FLT1: variants seen among roughly 807,000 people sequenced by gnomAD.
FLT1 encodes the protein fms related receptor tyrosine kinase 1, also known as vascular endothelial growth factor receptor 1.
In FLT1, 49 loss-of-function variants were observed where a neutral mutation model predicts 156.3. That is an observed-to-expected ratio of 0.31 (90% CI 0.25 to 0.40). The LOEUF is 0.40. Ranked by LOEUF, FLT1 falls within the 10% of genes least tolerant of loss-of-function variation. The probability of loss-of-function intolerance (pLI) is 1.00; values close to 1 mark genes in which losing one functional copy is unlikely to be tolerated. For synonymous variants in FLT1, 594 were observed against 583.8 expected (o/e 1.02, Z -0.25); for missense variants, 1,322 against 1,637.2 (o/e 0.81, Z 3.32).
intron 3 of FLT1, among the ~76,000 whole-genome samples, chr13:28,454,888 A>G (rs1158374279): frequency 1.3e-5 from 2 of 152,194 alleles, no homozygotes; most frequent in African/African-American, 4.8e-5. Context: ...GAAAAACACA[A>G]TACCATTTGC....
Position 28,357,358 on chromosome 13 carries a change from A to G in FLT1, c.2248+196T>C, listed in dbSNP as rs369514024. Among the ~76,000 whole-genome samples, 72 of 152,300 alleles carry G rather than the reference A, an allele frequency of 4.7e-4. No homozygotes were observed. In the East Asian group the frequency reaches 7.9e-3, roughly 17 times the overall value. On this transcript the variant is annotated intron_variant, in intron 15 of 29. Coordinates refer to ENST00000282397, the MANE Select transcript of FLT1 (RefSeq NM_002019.4). ...GGATTTTGGGCTCTCGAGGATGGCC[A>G]GCCAGTGTCTTCACCTTCTGCTTTG... is the stretch of plus-strand genomic sequence containing the variant.
At chr13:28,399,848 G>T (rs1306146573) in intron 11 of FLT1, among the ~76,000 whole-genome samples, 1 of 152,162 alleles carries the variant, frequency 6.6e-6, no homozygotes, top group East Asian at 1.9e-4. Context: ...TTATTTCTTT[G>T]TTTCTGCGAA....
chr13:28,327,703 G>A (rs923850382), intron 19 of FLT1, among the ~76,000 whole-genome samples, 153 bp from the exon 20 acceptor site: 3 of 144,296 alleles, frequency 2.1e-5, no homozygotes, highest in African/African-American at 7.7e-5. Context: ...CCATGAATAC[G>A]GTGACTTTTT....
rs1333235856 is a variant in FLT1 at position 28,434,060 on chromosome 13, T to A, written c.674A>T (p.Gln225Leu). Residue 225 changes from glutamine to leucine, a missense_variant and splice_region_variant, in exon 5 of 30, where the codon CAA becomes CTA. Physicochemically the swap from Gln to Leu is moderately radical, Grantham distance 113 (BLOSUM62 -2). This residue lies in a region of FLT1 where 991 missense variants were observed against 1,254.8 expected (regional missense o/e 0.79). Transcript: ENST00000282397. ...CATGCCTTTGAAGCATCACTTACTT[T>A]GTCGATGTGTGAGATAGTTTGTCTT... ...LYKTNYLTHR[Q>L]TNTIIDVQIS... is the part of the protein sequence containing the mutation. 1 of 1,614,206 alleles carries A rather than the reference T, an allele frequency of 6.2e-7. No homozygotes were observed. The highest frequency in any genetic ancestry group is 8.5e-7 in the Non-Finnish European group (1 of 1,180,022).
At chr13:28,350,761 T>C (rs947570669) in intron 15 of FLT1, among the ~76,000 whole-genome samples, 10 of 152,310 alleles carry the variant, frequency 6.6e-5, no homozygotes, top group Middle Eastern at 6.8e-3. Context: ...GCAGGTACTC[T>C]GTGCCCCAGT....
intron 16 of FLT1, among the ~76,000 whole-genome samples, chr13:28,344,008 C>CCCT (rs1423346329): frequency 6.8e-6 from 1 of 146,998 alleles, no homozygotes; most frequent in African/African-American, 2.5e-5. Flanking sequence ...TTCACTCTTG[C>CCCT]CCCCCACCAC....
intron 14 of FLT1, among the ~76,000 whole-genome samples, chr13:28,366,395 C>A (rs1873294392): frequency 6.6e-6 from 1 of 152,144 alleles, no homozygotes; most frequent in Non-Finnish European, 1.5e-5. Context: ...TGACTCTGCA[C>A]ACGTGGTTCC....
In FLT1 at chr13:28,412,338, CTT is replaced by C. The variant is rs1451332375; in HGVS notation, c.1437-6446_1437-6445del. On this transcript the variant is annotated intron_variant, in intron 10 of 29. Transcript: ENST00000282397. The stretch of plus-strand genomic sequence containing the variant: ...CTTTCTTTCTTTCTTTCTTTTCTTT[CTT>C]TCTTTCTTTCTCTTTCTTTCTTTCT... Among the ~76,000 whole-genome samples the C allele has an allele frequency of 3.0e-4, 23 of 77,788 alleles. No homozygotes were observed. In the East Asian group the frequency reaches 5.0e-3, roughly 17 times the overall value. The allele number at this position is 77,788 out of a possible 152,430, so 51.0% of individuals were successfully genotyped here.
At chr13:28,336,814 C>T (rs1233192029) in intron 17 of FLT1, among the ~76,000 whole-genome samples, 1 of 137,098 alleles carries the variant, frequency 7.3e-6, no homozygotes, top group Non-Finnish European at 1.5e-5. Context: ...GTGGCGTGAT[C>T]TTGGCTCACG....
chr13:28,473,897 AAAAT>A (rs1880394799), intron 1 of FLT1, among the ~76,000 whole-genome samples: 1 of 152,188 alleles, frequency 6.6e-6, no homozygotes, highest in African/African-American at 2.4e-5. Context: ...ATGGGTAAAT[AAAAT>A]ATGGCAGATC....
intron 10 of FLT1, among the ~76,000 whole-genome samples, chr13:28,412,377 T>TTTCTTTCTTTCTTTCCTTCC (rs1876319162): frequency 3.3e-5 from 4 of 120,652 alleles, no homozygotes; most frequent in African/African-American, 9.3e-5. Context: ...TCTTTCTTTC[T>TTTCTTTCTTTCTTTCCTTCC]TTCTTTCTTT....
chr13:28,434,286 G>A, intron 4 of FLT1, 66 bp from the exon 5 acceptor site: 1 of 1,437,984 alleles, frequency 7.0e-7, no homozygotes, highest in East Asian at 2.3e-5. Flanking sequence ...TGTTTCACCA[G>A]CAGTTTGTGA....
chr13:28,482,950 T>C (rs1001047637), intron 1 of FLT1, among the ~76,000 whole-genome samples: 9 of 152,210 alleles, frequency 5.9e-5, no homozygotes, highest in African/African-American at 1.7e-4. Flanking sequence ...CACTTTTAGC[T>C]TGTACATCAA....
At chr13:28,416,739 T>C (rs1876671147) in intron 10 of FLT1, among the ~76,000 whole-genome samples, 1 of 152,234 alleles carries the variant, frequency 6.6e-6, no homozygotes, top group Non-Finnish European at 1.5e-5. Context: ...TCTTCTATTA[T>C]ATTTGGCTCT....
In FLT1 at chr13:28,322,762, C is replaced by T. The variant is rs374415637; in HGVS notation, c.2953+28G>A. 1.4e-5 allele frequency: 22 copies of T among 1,607,394 alleles called. No individual in the cohort carries two copies. The highest frequency in any genetic ancestry group is 8.3e-5 in the Admixed American group (5 of 59,982). On this transcript the variant is annotated intron_variant, in intron 21 of 29. Transcript: ENST00000282397. The surrounding 1 kb of genome is among the most constrained non-coding windows in gnomAD (Gnocchi z 4.3). ...AGTATGTTGTAAAAATATCTCAGCG[C>T]GTAGGACAGGAAGGAATTAATACCT...
At chr13:28,441,785 A>C (rs146239788) in intron 3 of FLT1, among the ~76,000 whole-genome samples, 47 of 152,246 alleles carry the variant, frequency 3.1e-4, no homozygotes, top group Non-Finnish European at 3.1e-4. Flanking sequence ...TGCCCAAAAA[A>C]AGTTAAAAAT....
intron 16 of FLT1, among the ~76,000 whole-genome samples, chr13:28,345,179 T>C (rs1593697048): frequency 6.6e-6 from 1 of 152,184 alleles, no homozygotes; most frequent in Non-Finnish European, 1.5e-5. Flanking sequence ...TTAAAGACTC[T>C]ATTAACATAT....
intron 10 of FLT1, among the ~76,000 whole-genome samples, chr13:28,420,769 G>A (rs1288314344): frequency 6.6e-6 from 1 of 152,150 alleles, no homozygotes; most frequent in Non-Finnish European, 1.5e-5. Context: ...ATTAACAATT[G>A]TCTTGTTTCT....
chr13:28,412,346 C>T (rs375740761), intron 10 of FLT1, among the ~76,000 whole-genome samples: 1 of 58,364 alleles, frequency 1.7e-5, no homozygotes, highest in Non-Finnish European at 3.9e-5. Flanking sequence ...TTCTTTCTTT[C>T]TTTCTCTTTC....
Sources: gnomAD v4.1 joint callset for allele counts (sites outside exome capture counted in the v4.1 genomes callset) on GRCh38, gnomAD v4.1.1 for gene constraint, gnomAD v4.1.1 regional missense constraint, Gnocchi (gnomAD v3.1) non-coding constraint, MANE v1.5 for transcripts, NCBI Gene and HGNC (gene_info 2026-07-23, HGNC 2026-07-21) for gene names.